ZBTB20: variants seen among roughly 807,000 people sequenced by gnomAD.
The protein encoded by ZBTB20 is zinc finger and BTB domain containing 20, also known as zinc finger and BTB domain-containing protein 20.
ZBTB20 carries 9 observed loss-of-function variants against 56.9 expected under a neutral mutation model. That is an observed-to-expected ratio of 0.16 (90% CI 0.10 to 0.28). ZBTB20 has a LOEUF of 0.28. ZBTB20 is among the 10% of genes least tolerant of loss of function. ZBTB20 has a pLI of 1.00. For missense variants in ZBTB20, 655 were observed against 1,003.0 expected (o/e 0.65, Z 4.69); for synonymous variants, 417 against 420.7 (o/e 0.99, Z 0.11).
chr3:114,341,078 A>G (rs2079724503), intron 11 of ZBTB20, among the ~76,000 whole-genome samples: 1 of 152,190 alleles, frequency 6.6e-6, no homozygotes, highest in Non-Finnish European at 1.5e-5. Context: ...ATTTGTTGTT[A>G]TTGTGTTTTC....
At chr3:114,343,256 A>G (rs780667088) in intron 11 of ZBTB20, among the ~76,000 whole-genome samples, 10 of 152,134 alleles carry the variant, frequency 6.6e-5, no homozygotes, top group Non-Finnish European at 8.8e-5. Flanking sequence ...AGACACCCCA[A>G]TTTTGAATAG....
intron 5 of ZBTB20, among the ~76,000 whole-genome samples, chr3:114,730,323 G>C (rs1163724177): frequency 6.6e-6 from 1 of 151,970 alleles, no homozygotes. Context: ...GGCATAAATG[G>C]GTTATGGCTT....
At chr3:114,638,523 T>C (rs1335690451) in intron 6 of ZBTB20, among the ~76,000 whole-genome samples, 1 of 152,104 alleles carries the variant, frequency 6.6e-6, no homozygotes, top group Non-Finnish European at 1.5e-5. Context: ...CATTCATAAT[T>C]TGAATTCACC....
chr3:115,033,929 A>G (rs1282368240), intron 2 of ZBTB20, among the ~76,000 whole-genome samples: 1 of 151,776 alleles, frequency 6.6e-6, no homozygotes, highest in Non-Finnish European at 1.5e-5. Flanking sequence ...TTGTCGTTGA[A>G]ATGCAAGGAT....
intron 5 of ZBTB20, among the ~76,000 whole-genome samples, chr3:114,696,226 A>G (rs2063002739): frequency 6.6e-6 from 1 of 152,108 alleles, no homozygotes; most frequent in African/African-American, 2.4e-5. Flanking sequence ...TTAACACATA[A>G]GACAGTGTTA....
At chr3:114,513,471 C>T (rs1289736075) in intron 6 of ZBTB20, among the ~76,000 whole-genome samples, 2 of 152,172 alleles carry the variant, frequency 1.3e-5, no homozygotes, top group Non-Finnish European at 2.9e-5. Context: ...CATTAACACT[C>T]TCCATGCTGG....
At chr3:114,754,856 T>C (rs2108668089) in intron 5 of ZBTB20, among the ~76,000 whole-genome samples, 1 of 152,348 alleles carries the variant, frequency 6.6e-6, no homozygotes, top group South Asian at 2.1e-4. Context: ...ATTGAGTATG[T>C]ATTAGTGTTT....
intron 4 of ZBTB20, among the ~76,000 whole-genome samples, chr3:114,858,848 C>A (rs2075362575): frequency 1.3e-5 from 2 of 152,170 alleles, no homozygotes; most frequent in South Asian, 2.1e-4. Flanking sequence ...CTGACATATA[C>A]CAGCCCACCA....
chr3:114,901,100 T>C (rs2075100513), intron 3 of ZBTB20, among the ~76,000 whole-genome samples: 1 of 152,112 alleles, frequency 6.6e-6, no homozygotes, highest in Non-Finnish European at 1.5e-5. Context: ...CTACTGGTAC[T>C]CTTAAAAATA....
At chr3:114,650,332 C>A (rs371084217) in intron 6 of ZBTB20, among the ~76,000 whole-genome samples, 1 of 151,770 alleles carries the variant, frequency 6.6e-6, no homozygotes, top group Non-Finnish European at 1.5e-5. Flanking sequence ...GATCAACAGG[C>A]CAGGAAGAGT....
chr3:114,729,956 A>ATTTTTTTTT (rs1229757252), intron 5 of ZBTB20, among the ~76,000 whole-genome samples: 3 of 119,450 alleles, frequency 2.5e-5, no homozygotes, highest in Non-Finnish European at 3.5e-5. Flanking sequence ...CATCCGGCTA[A>ATTTTTTTTT]TTTTTTTTTT....
intron 5 of ZBTB20, among the ~76,000 whole-genome samples, chr3:114,724,162 C>T (rs747784600): frequency 2.6e-5 from 4 of 151,992 alleles, no homozygotes; most frequent in Non-Finnish European, 4.4e-5. Flanking sequence ...TGTGAGCCAC[C>T]GCTCGGCCTC....
chr3:115,057,576 T>C (rs1576670316), intron 2 of ZBTB20, among the ~76,000 whole-genome samples: 1 of 152,174 alleles, frequency 6.6e-6, no homozygotes, highest in East Asian at 1.9e-4. Flanking sequence ...ACCTTTTAAA[T>C]AAAATTTTAA....
At chr3:114,832,347 T>C (rs1182444510) in intron 4 of ZBTB20, among the ~76,000 whole-genome samples, 1 of 152,086 alleles carries the variant, frequency 6.6e-6, no homozygotes, top group African/African-American at 2.4e-5. Context: ...TTCTTTGATA[T>C]ATAGAACATT....
chr3:114,948,352 C>T (rs1276403974), intron 3 of ZBTB20, among the ~76,000 whole-genome samples: 1 of 145,622 alleles, frequency 6.9e-6, no homozygotes, highest in Non-Finnish European at 1.5e-5. Context: ...TTCAAAAAAG[C>T]AAAAACCAAA....
chr3:114,647,902 A>G (rs1578148347), intron 6 of ZBTB20, among the ~76,000 whole-genome samples: 2 of 152,204 alleles, frequency 1.3e-5, no homozygotes, highest in East Asian at 3.8e-4. Context: ...CATTAGGAGT[A>G]GAAGAAAAAT....
At chr3:114,705,696 T>A (rs2063679279) in intron 5 of ZBTB20, among the ~76,000 whole-genome samples, 1 of 152,184 alleles carries the variant, frequency 6.6e-6, no homozygotes, top group Admixed American at 6.5e-5. Context: ...CTACGTATGG[T>A]AGGTAGTTTT....
At chr3:114,833,984 TTC>T (rs1311454034) in intron 4 of ZBTB20, among the ~76,000 whole-genome samples, 4 of 152,142 alleles carry the variant, frequency 2.6e-5, no homozygotes, top group Admixed American at 2.6e-4. Context: ...AATCTCAATG[TTC>T]TTTCTATTTT....
chr3:115,113,055 A>G (rs970212779), intron 1 of ZBTB20, among the ~76,000 whole-genome samples: 1 of 152,152 alleles, frequency 6.6e-6, no homozygotes, highest in Admixed American at 6.6e-5. Flanking sequence ...AGTGATGTTG[A>G]GCATTTTTCC....
Sources: gnomAD v4.1 joint callset for allele counts (sites outside exome capture counted in the v4.1 genomes callset) on GRCh38, gnomAD v4.1.1 for gene constraint, MANE v1.5 for transcripts, NCBI Gene and HGNC (gene_info 2026-07-23, HGNC 2026-07-21) for gene names.